The following CYP3A7 variants were observed in gnomAD, a reference collection of about 807,000 sequenced individuals.
CYP3A7 encodes cytochrome P450 family 3 subfamily A member 7.
In CYP3A7, 45 loss-of-function variants were observed where a neutral mutation model predicts 55.2. That is an observed-to-expected ratio of 0.82 (90% CI 0.64 to 1.05). The LOEUF (loss-of-function observed/expected upper bound fraction) is 1.05, where lower values mean the gene tolerates loss of function less well. CYP3A7 is among the 50% of genes least tolerant of loss of function. CYP3A7 has a pLI of 0.00. For missense variants in CYP3A7, 548 were observed against 605.3 expected, an observed-to-expected ratio of 0.91 and a Z score of 0.99; for synonymous variants, 180 against 207.4, an observed-to-expected ratio of 0.87 and a Z score of 1.13.
intron 11 of CYP3A7, among the ~76,000 whole-genome samples, chr7:99,708,602 A>G (rs1813614958): frequency 6.6e-6 from 1 of 152,136 alleles, no homozygotes; most frequent in South Asian, 2.1e-4. Flanking sequence ...AAGCAGTGTC[A>G]TCACTGCTTT....
chr7:99,727,422 C>T (rs535287562), intron 2 of CYP3A7, among the ~76,000 whole-genome samples: 5 of 152,272 alleles, frequency 3.3e-5, no homozygotes, highest in East Asian at 3.9e-4. Context: ...TTCTGTTCCC[C>T]AGCTCCTTTA....
chr7:99,734,589 A>G (rs1814756617), intron 1 of CYP3A7, among the ~76,000 whole-genome samples: 1 of 150,256 alleles, frequency 6.7e-6, no homozygotes, highest in Admixed American at 6.6e-5. Flanking sequence ...CACTTAAGCT[A>G]CTTCTCCTTG....
intron 10 of CYP3A7, among the ~76,000 whole-genome samples, chr7:99,709,666 A>G (rs1341665258): frequency 6.6e-6 from 1 of 152,194 alleles, no homozygotes; most frequent in African/African-American, 2.4e-5. Flanking sequence ...AGATAGAAAA[A>G]GCAAATTCTC....
chr7:99,710,944 A>G (rs1230333187), intron 9 of CYP3A7, 52 bp from the exon 10 acceptor site: 3 of 1,612,604 alleles, frequency 1.9e-6, no homozygotes, highest in Non-Finnish European at 1.7e-6. Context: ...GTAGGGCATC[A>G]CAGTTTAGAT....
At chr7:99,714,768 C>T in intron 7 of CYP3A7, 86 bp from the exon 8 acceptor site, 1 of 1,570,696 alleles carries the variant, frequency 6.4e-7, no homozygotes, top group Non-Finnish European at 8.6e-7. Flanking sequence ...CTCTACCAAT[C>T]AGAAGAGTGA....
In CYP3A7 at chr7:99,711,186, C is replaced by T. The variant is rs774373842; in HGVS notation, c.866-294G>A. ...GTAATTTCCAGAGAGAACATTTCTG[C>T]ATAACATACTCAGTGTCATGGTGTG... On this transcript the variant is annotated intron_variant, in intron 9 of 12. Transcript: ENST00000336374. Among the ~76,000 whole-genome samples the T allele has an allele frequency of 5.9e-5, 9 of 152,160 alleles. 1 individual carries two copies. Among genetic ancestry groups the T allele is most frequent in the Non-Finnish European group, 1.3e-4 (9 of 68,022 alleles).
chr7:99,708,349 T>C (rs1386509410), intron 11 of CYP3A7, among the ~76,000 whole-genome samples: 1 of 152,204 alleles, frequency 6.6e-6, no homozygotes, highest in African/African-American at 2.4e-5. Flanking sequence ...ATGTTGGTCA[T>C]GAGGAAGGAG....
intron 3 of CYP3A7, among the ~76,000 whole-genome samples, chr7:99,721,241 A>T (rs1287949100): frequency 6.6e-6 from 1 of 152,198 alleles, no homozygotes; most frequent in Admixed American, 6.6e-5. Flanking sequence ...TCCTTCTATT[A>T]AAAAGTCTTG....
chr7:99,722,541 CTT>C (rs1268467363), intron 2 of CYP3A7, among the ~76,000 whole-genome samples, 193 bp from the exon 3 acceptor site: 1 of 152,122 alleles, frequency 6.6e-6, no homozygotes, highest in African/African-American at 2.4e-5. Flanking sequence ...TAAAATCACT[CTT>C]GAATTTTCTT....
chr7:99,706,044 A>G (rs1813509931), intron 12 of CYP3A7, among the ~76,000 whole-genome samples: 1 of 152,236 alleles, frequency 6.6e-6, no homozygotes, highest in Admixed American at 6.5e-5. Flanking sequence ...ACAGTCTTCA[A>G]CTTCCACAGT....
chr7:99,717,772 A>AGCATCTGTCATAGGGC, intron 4 of CYP3A7, 133 bp from the exon 5 acceptor site: 2 of 1,145,696 alleles, frequency 1.7e-6, no homozygotes, highest in Non-Finnish European at 2.5e-6. Flanking sequence ...AGGCCCTATG[A>AGCATCTGTCATAGGGC]CAGATGCTCA....
chr7:99,733,071 G>A (rs1214267562), intron 1 of CYP3A7, among the ~76,000 whole-genome samples: 1 of 152,176 alleles, frequency 6.6e-6, no homozygotes, highest in Admixed American at 6.5e-5. Flanking sequence ...GCATAGCCAG[G>A]CCCAATAGTG....
chr7:99,731,220 C>T, intron 1 of CYP3A7, 68 bp from the exon 2 acceptor site: 1 of 1,576,002 alleles, frequency 6.3e-7, no homozygotes, highest in East Asian at 2.3e-5. Context: ...TGGTGAGTCA[C>T]TGACTGAGGA....
intron 1 of CYP3A7, among the ~76,000 whole-genome samples, chr7:99,733,909 CAT>C (rs559482253): frequency 8.9e-4 from 135 of 152,176 alleles, no homozygotes; most frequent in Non-Finnish European, 1.5e-3. Flanking sequence ...TTTAAAAAGA[CAT>C]ATGCAGTCTT....
intron 4 of CYP3A7, 132 bp from the exon 5 acceptor site, chr7:99,717,771 G>T: frequency 2.6e-6 from 3 of 1,157,150 alleles, no homozygotes; most frequent in Non-Finnish European, 3.8e-6. Context: ...CAGGCCCTAT[G>T]ACAGATGCTC....
intron 2 of CYP3A7, chr7:99,730,711 C>T (rs1442840453): frequency 3.9e-6 from 1 of 255,816 alleles, no homozygotes; most frequent in Non-Finnish European, 7.6e-6. Context: ...GGCTCCTGTT[C>T]CTACTTTTAA....
chr7:99,729,347 T>C (rs1385770962), intron 2 of CYP3A7, among the ~76,000 whole-genome samples: 1 of 152,192 alleles, frequency 6.6e-6, no homozygotes, highest in Non-Finnish European at 1.5e-5. Context: ...TAACTCATTA[T>C]AAAATTTTCT....
intron 2 of CYP3A7, among the ~76,000 whole-genome samples, chr7:99,724,439 C>T (rs1335365950): frequency 6.6e-6 from 1 of 152,140 alleles, no homozygotes; most frequent in Non-Finnish European, 1.5e-5. Context: ...CTAGTCTCTG[C>T]TCCCAGTGTG....
chr7:99,714,454 A>G, intron 8 of CYP3A7, 101 bp downstream of exon 8: 2 of 1,545,480 alleles, frequency 1.3e-6, no homozygotes, highest in East Asian at 2.3e-5. Flanking sequence ...TTATGTTAAA[A>G]TCTTTCTCTA....
Sources: allele counts gnomAD v4.1 joint callset (sites outside exome capture counted in the v4.1 genomes callset), GRCh38; gene constraint gnomAD v4.1.1; transcripts MANE v1.5; gene names NCBI Gene and HGNC (gene_info 2026-07-23, HGNC 2026-07-21).